Variants in PLK1 observed in about 807,000 individuals in gnomAD.
PLK1 encodes polo like kinase 1.
PLK1 carries 6 observed loss-of-function variants against 56.7 expected under a neutral mutation model. The ratio of observed to expected loss-of-function variants is 0.11; its 90% CI spans 0.06 to 0.21. PLK1 has a LOEUF of 0.21. Ranked by LOEUF, PLK1 falls within the 10% of genes least tolerant of loss-of-function variation. PLK1 has a pLI of 1.00. For synonymous variants in PLK1, 298 were observed against 325.0 expected (o/e 0.92, Z 0.89); for missense variants, 546 against 814.4 (o/e 0.67, Z 4.01).
chr16:23,688,335 G>A (rs540416218), intron 6 of PLK1, among the ~76,000 whole-genome samples: 4 of 152,194 alleles, frequency 2.6e-5, no homozygotes, highest in Non-Finnish European at 4.4e-5. Context: ...TGTAAGCTCC[G>A]TGGAGGCTGG....
chr16:23,686,897 A>G (rs188931163), intron 5 of PLK1, among the ~76,000 whole-genome samples: 13 of 152,356 alleles, frequency 8.5e-5, no homozygotes, highest in Non-Finnish European at 1.6e-4. Flanking sequence ...ATATTATACA[A>G]GGAGAATTAG....
chr16:23,681,465 G>A (rs1028269472), intron 3 of PLK1, among the ~76,000 whole-genome samples: 4 of 152,210 alleles, frequency 2.6e-5, no homozygotes, highest in Admixed American at 1.3e-4. Flanking sequence ...AAACACCGAT[G>A]AGCATTAGCA....
At chr16:23,688,526 T>C in intron 6 of PLK1, 142 bp from the exon 7 acceptor site, 1 of 689,314 alleles carries the variant, frequency 1.5e-6, no homozygotes, top group Non-Finnish European at 2.6e-6. Context: ...GCTTTGCTCT[T>C]CTCTGGGGCC....
Position 23,679,359 on chromosome 16 carries a change from G to C in PLK1, c.408+19G>C, listed in dbSNP as rs773708488. On this transcript the variant is annotated intron_variant, in intron 1 of 9. Coordinates refer to ENST00000300093, the MANE Select transcript of PLK1 (RefSeq NM_005030.6). ...CCGGAGGGTGAGTGTCGCTGCTGGGGAACTGGAACTGCCTGCGGGGCAGTT... is the reference window on the plus strand; with the variant it reads ...CCGGAGGGTGAGTGTCGCTGCTGGGCAACTGGAACTGCCTGCGGGGCAGTT... 7 of 1,599,116 alleles carry C rather than the reference G, an allele frequency of 4.4e-6. No individual in the cohort carries two copies. The African/African-American group carries it at 8.0e-5, about 18-fold the overall frequency.
intron 6 of PLK1, chr16:23,687,912 G>A: frequency 4.6e-6 from 1 of 218,642 alleles, no homozygotes; most frequent in African/African-American, 2.3e-5. Context: ...AGACCCAGAT[G>A]TACTGCAGCC....
At chr16:23,683,794 G>T (rs1025476370) in intron 4 of PLK1, 76 bp from the exon 5 acceptor site, 11 of 1,137,586 alleles carry the variant, frequency 9.7e-6, no homozygotes, top group Non-Finnish European at 1.5e-5. Flanking sequence ...CTGGGGACCT[G>T]CAGCTCCTTT....
Position 23,679,310 on chromosome 16 carries a change from G to A in PLK1, c.378G>A (p.Val126=). 1 of 1,613,638 alleles carries A rather than the reference G, an allele frequency of 6.2e-7. No individual in the cohort carries two copies. The highest frequency in any genetic ancestry group is 8.5e-7 in the Non-Finnish European group (1 of 1,179,856). ...GCTTTTTCGAGGACAACGACTTCGT[G>A]TTCGTGGTGTTGGAGCTCTGCCGCC... ...FHGFFEDNDF[V]FVVLELCRRR... is the part of the protein sequence containing the mutation. The change falls in exon 1 of 10, where the codon GTG becomes GTA. Residue 126 remains valine, a synonymous_variant. Transcript: ENST00000300093.
chr16:23,679,515 G>C (rs1205402575), intron 1 of PLK1, 175 bp downstream of exon 1: 8 of 601,652 alleles, frequency 1.3e-5, no homozygotes, highest in Non-Finnish European at 2.0e-5. Flanking sequence ...GGGCTTCTTG[G>C]CTCTGGGAGC....
rs906941333 is a variant in PLK1, at chr16:23,689,732, G to T, written c.1608+56G>T. 1 of 1,558,368 alleles carries T rather than the reference G, an allele frequency of 6.4e-7. No homozygotes were observed. The highest frequency in any genetic ancestry group is 8.7e-7 in the Non-Finnish European group (1 of 1,143,576). On this transcript the variant is annotated intron_variant, in intron 9 of 9. Transcript: ENST00000300093. The surrounding 1 kb of genome is among the most constrained non-coding windows in gnomAD (Gnocchi z 4.8). ...AGCTGGGGTAGGCTCCGCATGCCTG[G>T]CAGTGGCCCATGTGGGTTGAATGTG...
chr16:23,689,558 T>G lies in PLK1; in HGVS notation c.1490T>G (p.Ile497Ser). 6.2e-7 allele frequency: 1 copy of G among 1,613,670 alleles called. No individual in the cohort carries two copies. Among genetic ancestry groups the G allele is most frequent in the Non-Finnish European group, 8.5e-7 (1 of 1,179,884 alleles). The change falls in exon 9 of 10, where the codon ATC (isoleucine) becomes AGC (serine). Residue 497 changes from isoleucine (I) to serine (S), a missense_variant. Ile to Ser is a moderately radical substitution (Grantham distance 142). Transcript: ENST00000300093. The surrounding 1 kb of genome is among the most constrained non-coding windows in gnomAD (Gnocchi z 4.8). ...SEHLLKAGAN[I>S]TPREGDELAR... ...CACTTGCTGAAGGCAGGTGCCAACA[T>G]CACGCCGCGCGAAGGTGATGAGCTC...
Position 23,689,947 on chromosome 16 carries a change from C to A in PLK1, c.1696C>A (p.Leu566Ile), listed in dbSNP as rs1048434068. Residue 566 changes from leucine to isoleucine, a missense_variant, in exon 10 of 10, where the codon CTC becomes ATC. Coordinates refer to ENST00000300093, the MANE Select transcript of PLK1 (RefSeq NM_005030.6). This position sits in a 1 kb window ranked among gnomAD's most constrained non-coding sequence, Gnocchi z 4.8. The part of the protein sequence containing the change: ...KRDFRTYRLS[L>I]LEEYGCCKEL... ...GGACTTCCGCACATACCGCCTGAGT[C>A]TCCTGGAGGAGTACGGCTGCTGCAA... The A allele has an allele frequency of 2.2e-5, 35 of 1,613,944 alleles. No individual in the cohort carries two copies. Among genetic ancestry groups the A allele is most frequent in the Non-Finnish European group, 2.9e-5 (34 of 1,179,980 alleles).
Position 23,678,890 on chromosome 16 carries a change from G to C in PLK1, c.-43G>C. ...ATTCGGGGAGGAGCGGAGCGGTGCG[G>C]AGGCTCTGCTCGGATCGAGGTCTGC... is the stretch of plus-strand genomic sequence containing the variant. On this transcript the variant is annotated 5_prime_UTR_variant, in exon 1 of 10. Transcript: ENST00000300093. 1.4e-6 allele frequency: 2 copies of C among 1,429,052 alleles called. No homozygotes were observed. Among genetic ancestry groups the C allele is most frequent in the Non-Finnish European group, 1.8e-6 (2 of 1,084,622 alleles). 88.5% of individuals were successfully genotyped at this position (1,429,052 alleles called of 1,614,324 possible).
At chr16:23,679,579 GA>G (rs1959298542) in intron 1 of PLK1, 1 of 508,152 alleles carries the variant, frequency 2.0e-6, no homozygotes, top group Non-Finnish European at 3.5e-6. Flanking sequence ...TGCTGATAGG[GA>G]AGTCAGCTTC....
intron 7 of PLK1, 68 bp downstream of exon 7, chr16:23,688,813 T>C (rs1959476041): frequency 1.5e-5 from 17 of 1,130,950 alleles, no homozygotes; most frequent in Non-Finnish European, 2.0e-5. Flanking sequence ...TGTTACAGAC[T>C]CTGGCCTTTT....
chr16:23,685,692 A>G (rs1959416546), intron 5 of PLK1, among the ~76,000 whole-genome samples: 1 of 150,552 alleles, frequency 6.6e-6, no homozygotes, highest in Non-Finnish European at 1.5e-5. Context: ...TGGGCAACAG[A>G]GCGAGACTCT....
At position 23,690,357 on chromosome 16, in the gene PLK1, T is replaced by C; in HGVS notation, c.*294T>C. 1 of 527,252 alleles carries C rather than the reference T, an allele frequency of 1.9e-6. No individual in the cohort carries two copies. Among genetic ancestry groups the C allele is most frequent in the Non-Finnish European group, 3.4e-6 (1 of 293,080 alleles). 32.7% of individuals were successfully genotyped at this position (527,252 alleles called of 1,614,324 possible). On this transcript the variant is annotated 3_prime_UTR_variant, in exon 10 of 10. Coordinates refer to ENST00000300093, the MANE Select transcript of PLK1 (RefSeq NM_005030.6). ...CTTGGCTTTATGCACATTAAACAGA[T>C]GTGAATATTCTTTTTCTTGTATTTC...
chr16:23,684,687 GA>G (rs1360439120), intron 5 of PLK1, among the ~76,000 whole-genome samples: 1 of 152,008 alleles, frequency 6.6e-6, no homozygotes, highest in Admixed American at 6.5e-5. Context: ...ATGATTCATT[GA>G]AAAACATAAA....
chr16:23,685,378 A>G (rs1344637843), intron 5 of PLK1, among the ~76,000 whole-genome samples: 2 of 152,000 alleles, frequency 1.3e-5, no homozygotes, highest in African/African-American at 4.8e-5. Context: ...TCCTGGGCTC[A>G]AACAGTCCCC....
intron 1 of PLK1, 75 bp from the exon 2 acceptor site, chr16:23,680,009 C>T (rs1959306170): frequency 1.9e-6 from 2 of 1,053,328 alleles, no homozygotes; most frequent in Non-Finnish European, 1.4e-6. Flanking sequence ...CTTCCTTTGC[C>T]TGGTAACCCT....
Sources: gnomAD v4.1 joint callset for allele counts (sites outside exome capture counted in the v4.1 genomes callset) on GRCh38, gnomAD v4.1.1 for gene constraint, Gnocchi (gnomAD v3.1) non-coding constraint, MANE v1.5 for transcripts, NCBI Gene and HGNC (gene_info 2026-07-23, HGNC 2026-07-21) for gene names.